Variants in AGFG1 observed in about 807,000 individuals in gnomAD.
The protein encoded by AGFG1 is ArfGAP with FG repeats 1, also known as arf-GAP domain and FG repeat-containing protein 1.
In AGFG1, 10 loss-of-function variants were observed where a neutral mutation model predicts 60.6. The observed-to-expected ratio is 0.16, with a 90% CI of 0.10 to 0.28. The LOEUF (loss-of-function observed/expected upper bound fraction) is 0.28, where lower values mean the gene tolerates loss of function less well. Among genes scored for constraint, AGFG1 ranks in the 10% least tolerant of loss-of-function variants. The pLI is 1.00. For synonymous variants in AGFG1, 247 were observed against 242.9 expected (o/e 1.02, Z -0.16); for missense variants, 537 against 676.5 (o/e 0.79, Z 2.29).
At chr2:227,504,549 A>C (rs922237982) in intron 2 of AGFG1, among the ~76,000 whole-genome samples, 4 of 152,182 alleles carry the variant, frequency 2.6e-5, no homozygotes, top group African/African-American at 9.7e-5. Context: ...GCACAGTTCA[A>C]ACTCATATTG....
chr2:227,498,652 A>C (rs1392765497), intron 2 of AGFG1, among the ~76,000 whole-genome samples: 1 of 152,226 alleles, frequency 6.6e-6, no homozygotes, highest in Non-Finnish European at 1.5e-5. Flanking sequence ...TCAGAGAAAT[A>C]CACTAACAAA....
chr2:227,477,952 G>T (rs1690334289), intron 1 of AGFG1, among the ~76,000 whole-genome samples: 1 of 151,992 alleles, frequency 6.6e-6, no homozygotes, highest in African/African-American at 2.4e-5. Flanking sequence ...TTTGTTTTAT[G>T]GCTGTGTCAT....
chr2:227,558,313 TTCTTG>T lies in AGFG1; in HGVS notation c.*3825_*3829del, dbSNP rs1487751323. Reference sequence around the variant, plus strand: ...TTTTGAAATTCTGAACAAGTTAACGTTCTTGTCTTGTATATCTAAAAAAACTTTAA... The same window carrying T: ...TTTTGAAATTCTGAACAAGTTAACGTTCTTGTATATCTAAAAAAACTTTAA... On this transcript the variant is annotated 3_prime_UTR_variant, in exon 13 of 13. Transcript: ENST00000310078. The T allele has an allele frequency of 2.0e-5, 3 of 152,166 alleles. No homozygotes were observed. The highest frequency in any genetic ancestry group is 6.5e-5 in the Admixed American group (1 of 15,270). 9.4% of individuals were successfully genotyped at this position (152,166 alleles called of 1,614,324 possible).
At chr2:227,524,008 A>T in intron 4 of AGFG1, 83 bp downstream of exon 4, 1 of 1,343,418 alleles carries the variant, frequency 7.4e-7, no homozygotes, top group South Asian at 1.5e-5. Flanking sequence ...TTAAGACAGC[A>T]GCATAATCTT....
chr2:227,560,776 G>A lies in AGFG1; in HGVS notation c.*6281G>A, dbSNP rs1055760399. 1.3e-5 allele frequency: 2 copies of A among 152,122 alleles called. No individual in the cohort carries two copies. The highest frequency in any genetic ancestry group is 4.8e-5 in the African/African-American group (2 of 41,444). 9.4% of individuals were successfully genotyped at this position (152,122 alleles called of 1,614,324 possible). On this transcript the variant is annotated 3_prime_UTR_variant, in exon 13 of 13. Coordinates refer to ENST00000310078, the MANE Select transcript of AGFG1 (RefSeq NM_004504.5). ...AAAAATGTGAGTTATTACTCTGAAA[G>A]TTGTGATTCTGATTCCTCATGGTTT...
chr2:227,518,952 C>T (rs535979167), intron 2 of AGFG1, among the ~76,000 whole-genome samples: 3 of 152,176 alleles, frequency 2.0e-5, no homozygotes, highest in East Asian at 1.9e-4. Flanking sequence ...GCGGGCAGAT[C>T]GCTTGAGCTC....
intron 1 of AGFG1, among the ~76,000 whole-genome samples, chr2:227,490,682 G>C (rs935431757): frequency 6.6e-6 from 1 of 152,068 alleles, no homozygotes; most frequent in Non-Finnish European, 1.5e-5. Context: ...GGAACTTTGC[G>C]TAGGTTACTT....
At position 227,498,598 on chromosome 2, in the gene AGFG1, T is replaced by C. The variant is rs116671140; in HGVS notation, c.261+6958T>C. Among the ~76,000 whole-genome samples the C allele has an allele frequency of 3.4e-3, 515 of 152,294 alleles. 3 individuals carry two copies. Among genetic ancestry groups the C allele is most frequent in the African/African-American group, 0.012 (489 of 41,554 alleles). ...TCTAGTCAGTAGTAACTTAGTAAAG[T>C]TGAAAATATTTAGAGTATATTATTT... On this transcript the variant is annotated intron_variant, in intron 2 of 12. Transcript: ENST00000310078.
chr2:227,488,158 T>A (rs1690693744), intron 1 of AGFG1, among the ~76,000 whole-genome samples: 1 of 152,246 alleles, frequency 6.6e-6, no homozygotes. Flanking sequence ...GGAAAAAATG[T>A]CCTTTCCACA....
intron 3 of AGFG1, among the ~76,000 whole-genome samples, chr2:227,520,300 A>G (rs1193451989): frequency 6.6e-6 from 1 of 152,168 alleles, no homozygotes; most frequent in African/African-American, 2.4e-5. Flanking sequence ...CAGGAAAGTT[A>G]GGGATTCTTC....
At chr2:227,490,075 C>T (rs766558850) in intron 1 of AGFG1, among the ~76,000 whole-genome samples, 32 of 152,240 alleles carry the variant, frequency 2.1e-4, no homozygotes, top group Non-Finnish European at 3.8e-4. Context: ...CTCGGCCCCC[C>T]AAAGTGCTGG....
intron 2 of AGFG1, among the ~76,000 whole-genome samples, chr2:227,512,855 C>G (rs1349294622): frequency 1.3e-5 from 2 of 152,132 alleles, no homozygotes; most frequent in Non-Finnish European, 2.9e-5. Flanking sequence ...ATTACTCCAT[C>G]TCTACTAATA....
At chr2:227,497,917 T>C (rs571418837) in intron 2 of AGFG1, among the ~76,000 whole-genome samples, 1 of 151,882 alleles carries the variant, frequency 6.6e-6, no homozygotes, top group Admixed American at 6.6e-5. Context: ...GCTAATTTGC[T>C]AGGACTCAAA....
At chr2:227,523,675 C>A in intron 3 of AGFG1, 88 bp from the exon 4 acceptor site, 1 of 1,290,938 alleles carries the variant, frequency 7.7e-7, no homozygotes, top group Non-Finnish European at 1.1e-6. Flanking sequence ...GTGAAACAAT[C>A]TTGTACAAAG....
chr2:227,556,425 A>G lies in AGFG1; in HGVS notation c.*1930A>G, dbSNP rs1692972180. The G allele has an allele frequency of 6.6e-6, 1 of 152,656 alleles. No individual in the cohort carries two copies. Among genetic ancestry groups the G allele is most frequent in the Non-Finnish European group, 1.5e-5 (1 of 68,032 alleles). 9.5% of individuals were successfully genotyped at this position (152,656 alleles called of 1,614,324 possible). On this transcript the variant is annotated 3_prime_UTR_variant, in exon 13 of 13. Transcript: ENST00000310078. ...TGAGCAGTATGCCTCTTCTTTTAGA[A>G]TTAAATGAATGCTGCACAGGTCCAG...
At chr2:227,472,795 T>C (rs1690137182) in intron 1 of AGFG1, among the ~76,000 whole-genome samples, 1 of 151,438 alleles carries the variant, frequency 6.6e-6, no homozygotes. Flanking sequence ...GGGGATGCGT[T>C]TTCGGTTTTG....
At chr2:227,545,049 G>A (rs984289250) in intron 10 of AGFG1, among the ~76,000 whole-genome samples, 1 of 152,230 alleles carries the variant, frequency 6.6e-6, no homozygotes, top group African/African-American at 2.4e-5. Flanking sequence ...ATCCTGCAGA[G>A]TGTTTTCCAA....
rs760164047 is a variant in AGFG1, at chr2:227,559,944, C to G, written c.*5449C>G. The G allele has an allele frequency of 1.3e-5, 2 of 152,054 alleles. No homozygotes were observed. Among genetic ancestry groups the G allele is most frequent in the Non-Finnish European group, 2.9e-5 (2 of 67,960 alleles). The allele number at this position is 152,054 out of a possible 1,614,324, so 9.4% of individuals were successfully genotyped here. ...ATGCTTATGATTTCTAAAAATTATG[C>G]AGTATACACAAAGGGCATAAAGTCA... is the stretch of plus-strand genomic sequence containing the variant. On this transcript the variant is annotated 3_prime_UTR_variant, in exon 13 of 13. Coordinates refer to ENST00000310078, the MANE Select transcript of AGFG1 (RefSeq NM_004504.5).
At chr2:227,552,430 G>A (rs1692847364) in intron 11 of AGFG1, among the ~76,000 whole-genome samples, 1 of 152,016 alleles carries the variant, frequency 6.6e-6, no homozygotes. Context: ...GATTTTAAAA[G>A]GAGAATTTAT....
Sources: gnomAD v4.1 joint callset for allele counts (sites outside exome capture counted in the v4.1 genomes callset) on GRCh38, gnomAD v4.1.1 for gene constraint, MANE v1.5 for transcripts, NCBI Gene and HGNC (gene_info 2026-07-23, HGNC 2026-07-21) for gene names.